The following RAP1GAP2 variants were observed in gnomAD, a reference collection of about 807,000 sequenced individuals.
RAP1GAP2 encodes the protein RAP1 GTPase activating protein 2, also known as rap1 GTPase-activating protein 2.
A neutral mutation model predicts 95.0 loss-of-function variants in RAP1GAP2; 27 were observed. The ratio of observed to expected loss-of-function variants is 0.28; its 90% CI spans 0.21 to 0.39. The LOEUF is 0.39. RAP1GAP2 is among the 10% of genes least tolerant of loss of function. The pLI is 1.00. For missense variants in RAP1GAP2, 771 were observed against 970.0 expected, an observed-to-expected ratio of 0.79 and a Z score of 2.72; for synonymous variants, 373 against 380.9, an observed-to-expected ratio of 0.98 and a Z score of 0.24.
At chr17:2,930,363 C>T (rs531580366) in intron 3 of RAP1GAP2, among the ~76,000 whole-genome samples, 51 of 152,322 alleles carry the variant, frequency 3.3e-4, no homozygotes, top group Non-Finnish European at 6.2e-4. Flanking sequence ...GAGGGTCAGG[C>T]GGCCAGGAAC....
At chr17:2,950,759 C>T (rs550066645) in intron 3 of RAP1GAP2, among the ~76,000 whole-genome samples, 5 of 151,716 alleles carry the variant, frequency 3.3e-5, no homozygotes, top group South Asian at 2.1e-4. Context: ...TACAGGTGCC[C>T]GCCACCATGC....
chr17:2,894,855 C>T (rs1029963386), intron 2 of RAP1GAP2, among the ~76,000 whole-genome samples: 13 of 152,264 alleles, frequency 8.5e-5, no homozygotes, highest in African/African-American at 2.2e-4. Context: ...CCCTCGGCCC[C>T]GTTTCGGTCT....
chr17:3,004,957 TG>T lies in RAP1GAP2; in HGVS notation c.1201-407del, dbSNP rs1158160028. On this transcript the variant is annotated intron_variant, in intron 14 of 24. Transcript: ENST00000254695. This position sits in a 1 kb window ranked among gnomAD's most constrained non-coding sequence, Gnocchi z 4.1. ...TCTGCGGCTAATCACCTGTGGGACT[TG>T]GGGGCTTCTCTGTGTGTCTCTGGGC... 6.6e-6 allele frequency among the ~76,000 whole-genome samples: 1 copy of T among 152,090 alleles called. No individual in the cohort carries two copies. Among genetic ancestry groups the T allele is most frequent in the East Asian group, 1.9e-4 (1 of 5,188 alleles).
chr17:2,755,686 C>T (rs2071125203), upstream of RAP1GAP2: 2 of 300,604 alleles, frequency 6.7e-6, no homozygotes, highest in East Asian at 1.1e-4. Flanking sequence ...CACCGTGCGG[C>T]CCGCGGAGGG....
chr17:3,023,752 A>G (rs1157453482), intron 19 of RAP1GAP2, among the ~76,000 whole-genome samples: 1 of 152,144 alleles, frequency 6.6e-6, no homozygotes, highest in East Asian at 1.9e-4. Flanking sequence ...CCCGTCATCT[A>G]GGTTTTAAGC....
chr17:3,032,489 ACGTGTGTT>A, intron 24 of RAP1GAP2, 40 bp downstream of exon 24: 1 of 1,584,312 alleles, frequency 6.3e-7, no homozygotes, highest in African/African-American at 1.3e-5. Context: ...GTGAGGGGGG[ACGTGTGTT>A]TCTTTTAGAT....
chr17:2,930,401 G>C (rs2043103819), intron 3 of RAP1GAP2, among the ~76,000 whole-genome samples: 1 of 152,246 alleles, frequency 6.6e-6, no homozygotes, highest in Non-Finnish European at 1.5e-5. Flanking sequence ...TCCACTGCCA[G>C]CCTCAGTGCT....
intron 3 of RAP1GAP2, among the ~76,000 whole-genome samples, chr17:2,936,384 A>G (rs929524032): frequency 4.3e-4 from 64 of 150,588 alleles, no homozygotes; most frequent in African/African-American, 1.5e-3. Flanking sequence ...GTCTCTGCTC[A>G]TGACCCTGCC....
At chr17:3,017,290 C>T (rs1328481878) in intron 17 of RAP1GAP2, among the ~76,000 whole-genome samples, 1 of 152,078 alleles carries the variant, frequency 6.6e-6, no homozygotes, top group African/African-American at 2.4e-5. Flanking sequence ...GCCAGTGTGC[C>T]CCTTGCTCCT....
chr17:2,876,886 C>CTTTT lies in RAP1GAP2; in HGVS notation c.81-28383_81-28380dup, dbSNP rs34517318. Among the ~76,000 whole-genome samples the CTTTT allele has an allele frequency of 8.6e-5, 11 of 127,508 alleles. No homozygotes were observed. The East Asian group carries it at 8.9e-4, about 10-fold the overall frequency. 83.7% of individuals were successfully genotyped at this position (127,508 alleles called of 152,430 possible). ...TAGAATGTTATTTTTGGTTTACGTT[C>CTTTT]TTTTTTTTTTTTTTTTTTCTTGAGA... On this transcript the variant is annotated intron_variant, in intron 2 of 24. Coordinates refer to ENST00000254695, the MANE Select transcript of RAP1GAP2 (RefSeq NM_015085.5).
intron 1 of RAP1GAP2, among the ~76,000 whole-genome samples, chr17:2,767,821 C>T (rs1381701135): frequency 2.0e-5 from 3 of 151,856 alleles, no homozygotes; most frequent in African/African-American, 7.3e-5. Flanking sequence ...CAAGCTCCGC[C>T]TCCCAGGTTC....
chr17:2,958,011 A>G (rs560781508), intron 4 of RAP1GAP2, among the ~76,000 whole-genome samples: 79 of 152,282 alleles, frequency 5.2e-4, no homozygotes, highest in African/African-American at 1.9e-3. Flanking sequence ...CAGGGAGGAT[A>G]AAAGCAGAAC....
chr17:2,793,513 G>T (rs1182289027), upstream of RAP1GAP2, among the ~76,000 whole-genome samples: 1 of 152,202 alleles, frequency 6.6e-6, no homozygotes, highest in Non-Finnish European at 1.5e-5. Flanking sequence ...CCCAACTGAG[G>T]CTGTGGGCTG....
At chr17:2,920,013 T>TTC (rs1353020256) in intron 3 of RAP1GAP2, among the ~76,000 whole-genome samples, 7 of 147,706 alleles carry the variant, frequency 4.7e-5, no homozygotes, top group Non-Finnish European at 9.0e-5. Flanking sequence ...CTTTTTTCTT[T>TTC]TTTTTTTTTT....
chr17:2,908,884 TC>T (rs1255000478), intron 3 of RAP1GAP2, among the ~76,000 whole-genome samples: 5 of 152,002 alleles, frequency 3.3e-5, no homozygotes, highest in African/African-American at 1.2e-4. Flanking sequence ...TTAAAAATTT[TC>T]TGTAGAGACA....
chr17:2,940,271 G>A lies in RAP1GAP2; in HGVS notation c.166-17488G>A, dbSNP rs1481278267. The stretch of plus-strand genomic sequence containing the variant: ...CAGGGACAGAGGGGCCTCTGGGTGG[G>A]GGATGTGGAGGGCAGGGGACAGACT... On this transcript the variant is annotated intron_variant, in intron 3 of 24. Transcript: ENST00000254695. Among the ~76,000 whole-genome samples the A allele has an allele frequency of 3.9e-5, 6 of 152,164 alleles. No individual in the cohort carries two copies. In the East Asian group the frequency reaches 1.2e-3, roughly 29 times the overall value.
chr17:3,013,626 TC>T (rs373474965), intron 17 of RAP1GAP2, among the ~76,000 whole-genome samples: 9 of 101,486 alleles, frequency 8.9e-5, no homozygotes, highest in Non-Finnish European at 5.9e-5. Flanking sequence ...TCTTTTCTTT[TC>T]TTTTCTTTTT....
At chr17:2,877,149 A>C (rs2073129631) in intron 2 of RAP1GAP2, among the ~76,000 whole-genome samples, 1 of 151,924 alleles carries the variant, frequency 6.6e-6, no homozygotes, top group African/African-American at 2.4e-5. Flanking sequence ...TCAGCCTCCC[A>C]AAGTGCTGGA....
chr17:2,909,385 G>C (rs934895566), intron 3 of RAP1GAP2, among the ~76,000 whole-genome samples: 6 of 152,164 alleles, frequency 3.9e-5, no homozygotes, highest in Admixed American at 1.3e-4. Context: ...GCGGACAGCA[G>C]ATGGCCGTGT....
Sources: allele counts gnomAD v4.1 joint callset (sites outside exome capture counted in the v4.1 genomes callset), GRCh38; gene constraint gnomAD v4.1.1; non-coding constraint Gnocchi (gnomAD v3.1); transcripts MANE v1.5; gene names NCBI Gene and HGNC (gene_info 2026-07-23, HGNC 2026-07-21).